Variants in ANKRD36B observed in about 807,000 individuals in gnomAD.
ANKRD36B encodes the protein ankyrin repeat domain-containing protein 36B.
ANKRD36B carries 37 observed loss-of-function variants against 135.7 expected under a neutral mutation model. The ratio of observed to expected loss-of-function variants is 0.27; its 90% CI spans 0.21 to 0.36. The LOEUF (loss-of-function observed/expected upper bound fraction) is 0.36. Ranked by LOEUF, ANKRD36B falls within the 10% of genes least tolerant of loss-of-function variation. ANKRD36B has a pLI of 1.00. For missense variants in ANKRD36B, 549 were observed against 1,037.1 expected (o/e 0.53, Z 6.46); for synonymous variants, 179 against 348.1 (o/e 0.51, Z 5.41).
At chr2:97,557,596 A>G (rs1363985309) in intron 10 of ANKRD36B, among the ~76,000 whole-genome samples, 4 of 151,840 alleles carry the variant, frequency 2.6e-5, no homozygotes, top group Non-Finnish European at 5.9e-5. Context: ...CAGGTACACA[A>G]TGACAATGAC....
At position 97,541,850 on chromosome 2, in the gene ANKRD36B, G is replaced by A. The variant is rs2442242; in HGVS notation, c.1885+61C>T. On this transcript the variant is annotated intron_variant, in intron 28 of 43. Transcript: ENST00000359901. ...CAATGAAACCCCCGCTGATTTATTT[G>A]GGGAAGTGAATTTCTCTTCTATTTG... 127 of 917,148 alleles carry A rather than the reference G, an allele frequency of 1.4e-4. 33 individuals are homozygous for A. The African/African-American group carries it at 1.8e-3, about 13-fold the overall frequency. The allele number at this position is 917,148 out of a possible 1,614,324, so 56.8% of individuals were successfully genotyped here.
chr2:97,573,615 A>G (rs899224813), intron 6 of ANKRD36B, among the ~76,000 whole-genome samples: 3 of 152,338 alleles, frequency 2.0e-5, no homozygotes, highest in Admixed American at 6.5e-5. Flanking sequence ...AGCTGGAGGC[A>G]TCACGCTACC....
chr2:97,524,202 G>T (rs2078072388), intron 35 of ANKRD36B: 2 of 86,860 alleles, frequency 2.3e-5, no homozygotes, highest in African/African-American at 3.5e-5. Flanking sequence ...TAAATCACAT[G>T]CTTCATTTCT....
rs118031909 is a variant in ANKRD36B at position 97,552,674 on chromosome 2, T to C, written c.1273+494A>G. Among the ~76,000 whole-genome samples the C allele has an allele frequency of 6.6e-3, 1,006 of 152,034 alleles. 58 individuals carry two copies. In the East Asian group the frequency reaches 0.11, roughly 17 times the overall value. On this transcript the variant is annotated intron_variant, in intron 16 of 43. Transcript: ENST00000359901. ...CCTAAATTATATAAATAACTTCTCT[T>C]CCCTCCTTCCTGCCTGACAATCCCT... is the stretch of plus-strand genomic sequence containing the variant.
In ANKRD36B at chr2:97,539,309, T is replaced by C; in HGVS notation, c.1987+725A>G. Among the ~76,000 whole-genome samples, 2 of 97,036 alleles carry C rather than the reference T, an allele frequency of 2.1e-5. 1 individual carries two copies. Among genetic ancestry groups the C allele is most frequent in the Non-Finnish European group, 5.5e-5 (2 of 36,422 alleles). 63.7% of individuals were successfully genotyped at this position (97,036 alleles called of 152,430 possible). On this transcript the variant is annotated intron_variant, in intron 30 of 43. Coordinates refer to ENST00000359901, the MANE Select transcript of ANKRD36B (RefSeq NM_001393939.1). ...GCTAATTGAAAAGCCAATATATGCA[T>C]ATTCATGTTTATTTCATTTGAATAA... is the stretch of plus-strand genomic sequence containing the variant.
At chr2:97,581,334 TCCTGAGCA>T (rs1270649317) in intron 3 of ANKRD36B, among the ~76,000 whole-genome samples, 6 of 151,982 alleles carry the variant, frequency 3.9e-5, no homozygotes, top group African/African-American at 7.3e-5. Context: ...TGTCAGGAGC[TCCTGAGCA>T]CCTGAGCACC....
intron 10 of ANKRD36B, among the ~76,000 whole-genome samples, chr2:97,557,510 A>G (rs2080638795): frequency 6.6e-6 from 1 of 151,898 alleles, no homozygotes; most frequent in Non-Finnish European, 1.5e-5. Flanking sequence ...CATGTTTTTC[A>G]TGCAAGACAT....
At position 97,580,631 on chromosome 2, in the gene ANKRD36B, C is replaced by T. The variant is rs575325035; in HGVS notation, c.451-63G>A. On this transcript the variant is annotated intron_variant, in intron 3 of 43. Coordinates refer to ENST00000359901, the MANE Select transcript of ANKRD36B (RefSeq NM_001393939.1). ...ACATATTTATCAACTGAAATGAAAA[C>T]CTTATGTAAGATCCTGTGAGCTTCA... 440 of 1,441,246 alleles carry T rather than the reference C, an allele frequency of 3.1e-4. 3 individuals carry two copies. Among genetic ancestry groups the T allele is most frequent in the South Asian group, 1.8e-3 (146 of 79,012 alleles). 89.3% of individuals were successfully genotyped at this position (1,441,246 alleles called of 1,614,324 possible). A position where few individuals can be genotyped will look rare whatever the true frequency, so the allele number is the denominator to read the frequency against.
chr2:97,550,687 C>T (rs1337334177), intron 18 of ANKRD36B, among the ~76,000 whole-genome samples: 2 of 151,890 alleles, frequency 1.3e-5, no homozygotes, highest in Non-Finnish European at 2.9e-5. Flanking sequence ...TTTCCTGCTT[C>T]CAGCACTTGC....
intron 12 of ANKRD36B, among the ~76,000 whole-genome samples, chr2:97,556,666 A>T (rs1458872489): frequency 6.6e-6 from 1 of 151,874 alleles, no homozygotes; most frequent in Non-Finnish European, 1.5e-5. Flanking sequence ...GAGAAAAATT[A>T]TGCTGTCCCC....
chr2:97,585,035 C>T lies in ANKRD36B; in HGVS notation c.359G>A (p.Arg120Lys). 2 of 1,611,534 alleles carry T rather than the reference C, an allele frequency of 1.2e-6. No individual in the cohort carries two copies. The highest frequency in any genetic ancestry group is 1.7e-6 in the Non-Finnish European group (2 of 1,179,786). The stretch of plus-strand genomic sequence containing the variant: ...ATACACAGCGTAGTGCAGAGCAGTC[C>T]TTCCAAAGACATCCGTAATATTTGG... ...ADPNITDVFG[R>K]TALHYAVYNE... The change falls in exon 3 of 44, where the codon AGG (arginine) becomes AAG (lysine). Residue 120 changes from arginine to lysine, a missense_variant. Coordinates refer to ENST00000359901, the MANE Select transcript of ANKRD36B (RefSeq NM_001393939.1).
chr2:97,553,309 T>C (rs777304845), intron 15 of ANKRD36B, 34 bp downstream of exon 15: 29 of 1,608,436 alleles, frequency 1.8e-5, no homozygotes, highest in Non-Finnish European at 2.0e-5. Flanking sequence ...ACTATAGATT[T>C]ACTAGTTCAC....
intron 16 of ANKRD36B, among the ~76,000 whole-genome samples, chr2:97,552,640 G>A (rs1405920051): frequency 6.6e-6 from 1 of 151,774 alleles, no homozygotes; most frequent in Non-Finnish European, 1.5e-5. Context: ...GATTTCCTCA[G>A]CAGAAAACCC....
chr2:97,555,068 C>T lies in ANKRD36B; in HGVS notation c.1163G>A (p.Cys388Tyr). ...TATEIKDGLQCGTVSSQKQQA... is the reference protein window; with the variant it reads ...TATEIKDGLQYGTVSSQKQQA... Reference sequence around the variant, plus strand: ...GTGTTTTGCAAAATTACCTGTCCCACATTGTAGTCCATCCTTTATTTCTGT... The same window carrying T: ...GTGTTTTGCAAAATTACCTGTCCCATATTGTAGTCCATCCTTTATTTCTGT... The change falls in exon 14 of 44, where the codon TGT (cysteine) becomes TAT (tyrosine). Residue 388 changes from cysteine (C) to tyrosine (Y), a missense_variant. Physicochemically the swap from Cys to Tyr is radical, Grantham distance 194. Coordinates refer to ENST00000359901, the MANE Select transcript of ANKRD36B (RefSeq NM_001393939.1). 2 of 1,611,786 alleles carry T rather than the reference C, an allele frequency of 1.2e-6. No individual in the cohort carries two copies. Among genetic ancestry groups the T allele is most frequent in the Middle Eastern group, 1.7e-4 (1 of 6,042 alleles).
At chr2:97,540,507 T>C (rs552924312) in intron 28 of ANKRD36B, among the ~76,000 whole-genome samples, 2 of 96,790 alleles carry the variant, frequency 2.1e-5, no homozygotes, top group South Asian at 4.7e-4. Flanking sequence ...GTGGATATGC[T>C]GAGTGATGAG....
At chr2:97,562,338 T>C (rs1170828143) in intron 6 of ANKRD36B, among the ~76,000 whole-genome samples, 2 of 151,964 alleles carry the variant, frequency 1.3e-5, no homozygotes, top group Non-Finnish European at 2.9e-5. Flanking sequence ...TTTTTTAAAA[T>C]CTAGTTTCAC....
At chr2:97,569,038 T>C (rs1467971476) in intron 6 of ANKRD36B, among the ~76,000 whole-genome samples, 1 of 152,174 alleles carries the variant, frequency 6.6e-6, no homozygotes, top group Non-Finnish European at 1.5e-5. Flanking sequence ...GACTCCAGTT[T>C]TATAAAGTAC....
Position 97,511,824 on chromosome 2 carries a change from C to CTTG in ANKRD36B, c.3033_3034insCAA (p.Leu1011_Ala1012insGln). On this transcript the variant is annotated inframe_insertion, in exon 39 of 44. Transcript: ENST00000359901. ...GTTGTGTTTTCATCTGTCAGAGCAG[C>CTTG]AAGCTGTCCACTATAACAGGCTATC... is the stretch of plus-strand genomic sequence containing the variant. The CTTG allele has an allele frequency of 1.1e-6, 1 of 904,110 alleles. No individual in the cohort carries two copies. The highest frequency in any genetic ancestry group is 1.6e-6 in the Non-Finnish European group (1 of 610,580). 56.0% of individuals were successfully genotyped at this position (904,110 alleles called of 1,614,324 possible).
Position 97,557,349 on chromosome 2 carries a change from G to A in ANKRD36B, c.968-217C>T, listed in dbSNP as rs573791778. Among the ~76,000 whole-genome samples, 837 of 151,774 alleles carry A rather than the reference G, an allele frequency of 5.5e-3. 3 individuals carry two copies. The highest frequency in any genetic ancestry group is 9.6e-3 in the Non-Finnish European group (653 of 67,836). ...AAAATATACAGTCAGAAATTACAAA[G>A]AGGTATTATGCATCATGTGTGTATT... On this transcript the variant is annotated intron_variant, in intron 10 of 43. Coordinates refer to ENST00000359901, the MANE Select transcript of ANKRD36B (RefSeq NM_001393939.1).
Sources: allele counts gnomAD v4.1 joint callset (sites outside exome capture counted in the v4.1 genomes callset), GRCh38; gene constraint gnomAD v4.1.1; transcripts MANE v1.5; gene names NCBI Gene and HGNC (gene_info 2026-07-23, HGNC 2026-07-21).